CTNND2: variants seen among roughly 807,000 people sequenced by gnomAD.
The protein encoded by CTNND2 is catenin delta-2.
Under a neutral mutation model 144.4 loss-of-function variants are expected in CTNND2, and 22 were observed. That is an observed-to-expected ratio of 0.15 (90% CI 0.11 to 0.22). The LOEUF is 0.22. Among genes scored for constraint, CTNND2 ranks in the 10% least tolerant of loss-of-function variants. The pLI, the probability that CTNND2 is intolerant of heterozygous loss-of-function variation, is 1.00. For missense variants in CTNND2, 1,353 were observed against 1,618.8 expected, an observed-to-expected ratio of 0.84 and a Z score of 2.82; for synonymous variants, 751 against 695.6, an observed-to-expected ratio of 1.08 and a Z score of -1.25.
chr5:11,372,947 G>T (rs1757596907), intron 7 of CTNND2, among the ~76,000 whole-genome samples: 1 of 152,210 alleles, frequency 6.6e-6, no homozygotes, highest in Non-Finnish European at 1.5e-5. Flanking sequence ...AGGATTACAG[G>T]TGTGATCCAC....
At chr5:11,655,979 C>T (rs1449375980) in intron 2 of CTNND2, among the ~76,000 whole-genome samples, 1 of 151,176 alleles carries the variant, frequency 6.6e-6, no homozygotes, top group Non-Finnish European at 1.5e-5. Flanking sequence ...AAATGTTGCA[C>T]CTGCAGCAGA....
chr5:11,146,897 T>G (rs1757293898), intron 12 of CTNND2, among the ~76,000 whole-genome samples: 1 of 152,224 alleles, frequency 6.6e-6, no homozygotes, highest in Non-Finnish European at 1.5e-5. Context: ...ATGTGGAAAC[T>G]GGGAAGGATA....
At chr5:11,512,819 G>A (rs1024174894) in intron 3 of CTNND2, among the ~76,000 whole-genome samples, 1 of 152,166 alleles carries the variant, frequency 6.6e-6, no homozygotes, top group East Asian at 1.9e-4. Flanking sequence ...ATGAGTGTGT[G>A]ACTGCATGGT....
chr5:11,880,555 CTACTGCTACTAGT>C (rs1735976608), intron 1 of CTNND2, among the ~76,000 whole-genome samples: 1 of 92,374 alleles, frequency 1.1e-5, no homozygotes, highest in Non-Finnish European at 2.3e-5. Context: ...ACTACCACTA[CTACTGCTACTAGT>C]ACTACTACTA....
chr5:11,430,274 G>GA (rs1763168868), intron 3 of CTNND2, among the ~76,000 whole-genome samples: 1 of 131,066 alleles, frequency 7.6e-6, no homozygotes, highest in African/African-American at 3.1e-5. Context: ...AAAAAAAGGA[G>GA]TTTTTTTTTT....
intron 2 of CTNND2, among the ~76,000 whole-genome samples, chr5:11,611,147 C>A (rs183647566): frequency 6.6e-6 from 1 of 152,080 alleles, no homozygotes; most frequent in African/African-American, 2.4e-5. Flanking sequence ...TTATAAGGGG[C>A]TCTTCCCCCT....
intron 16 of CTNND2, among the ~76,000 whole-genome samples, chr5:11,062,216 G>C (rs2973479): frequency 0.76 from 115,120 of 152,206 alleles, 44,175 homozygotes; most frequent in East Asian, 0.92. Flanking sequence ...CTATGTATTA[G>C]CATATTTTGC....
chr5:11,740,857 C>T (rs980202544), intron 1 of CTNND2, among the ~76,000 whole-genome samples: 1 of 152,038 alleles, frequency 6.6e-6, no homozygotes, highest in African/African-American at 2.4e-5. Flanking sequence ...AAAAACAACC[C>T]ATCAAAAAGT....
chr5:11,111,005 C>T lies in CTNND2; in HGVS notation c.2316G>A (p.Ser772=), dbSNP rs148199852. The T allele has an allele frequency of 1.0e-3, 1,658 of 1,614,034 alleles. 10 individuals are homozygous for T. Among genetic ancestry groups the T allele is most frequent in the Non-Finnish European group, 1.3e-3 (1,482 of 1,179,980 alleles). The change falls in exon 14 of 22, where the codon TCG becomes TCA. Residue 772 remains serine (S), a synonymous_variant. Transcript: ENST00000304623. ...ENCVCILRNL[S]YRLAAETSQG... ...GAGACGTTTCTGCCGCCAGCCGGTACGAGAGGTTCCTTAAAATGCACACAC... is the reference window on the plus strand; with the variant it reads ...GAGACGTTTCTGCCGCCAGCCGGTATGAGAGGTTCCTTAAAATGCACACAC...
intron 2 of CTNND2, among the ~76,000 whole-genome samples, chr5:11,671,440 CAT>C (rs1783868715): frequency 1.3e-5 from 2 of 152,234 alleles, no homozygotes; most frequent in African/African-American, 4.8e-5. Context: ...GGTCTTTTCA[CAT>C]AGTCTCCTAT....
chr5:11,018,717 T>TC (rs1331793518), intron 17 of CTNND2, among the ~76,000 whole-genome samples: 2 of 150,300 alleles, frequency 1.3e-5, no homozygotes, highest in South Asian at 2.1e-4. Flanking sequence ...CTTTTTTTTT[T>TC]TTTTTTTTTT....
chr5:11,547,536 T>C (rs559801799), intron 3 of CTNND2, among the ~76,000 whole-genome samples: 2 of 152,158 alleles, frequency 1.3e-5, no homozygotes, highest in East Asian at 1.9e-4. Context: ...CAGATTAGTA[T>C]TCAAATATAT....
chr5:11,388,569 C>T (rs534920313), intron 6 of CTNND2, among the ~76,000 whole-genome samples: 1 of 152,284 alleles, frequency 6.6e-6, no homozygotes, highest in South Asian at 2.1e-4. Flanking sequence ...GTAATAAATG[C>T]CTAAGAACTA....
At chr5:11,699,107 A>T (rs1785287356) in intron 2 of CTNND2, among the ~76,000 whole-genome samples, 1 of 152,012 alleles carries the variant, frequency 6.6e-6, no homozygotes, top group African/African-American at 2.4e-5. Context: ...GAGTTACTTT[A>T]AAAAAAGTGT....
At chr5:11,327,802 T>A (rs1752684215) in intron 9 of CTNND2, among the ~76,000 whole-genome samples, 3 of 152,208 alleles carry the variant, frequency 2.0e-5, no homozygotes, top group African/African-American at 7.2e-5. Context: ...AAAATGCAGA[T>A]TCTGATGTAG....
chr5:11,601,036 T>C (rs1405474928), intron 2 of CTNND2, among the ~76,000 whole-genome samples: 11 of 152,136 alleles, frequency 7.2e-5, no homozygotes, highest in Admixed American at 7.2e-4. Flanking sequence ...TTTTTTTTTA[T>C]ACATGATACT....
Position 11,488,364 on chromosome 5 carries a change from A to T in CTNND2, c.288-76295T>A, listed in dbSNP as rs560737776. On this transcript the variant is annotated intron_variant, in intron 3 of 21. Transcript: ENST00000304623. The stretch of plus-strand genomic sequence containing the variant: ...CAACCATGTCATGTCATATCTCGCT[A>T]CTTCTCTTGCCCCACCATTTGAGAA... Among the ~76,000 whole-genome samples the T allele has an allele frequency of 3.7e-4, 57 of 152,252 alleles. No homozygotes were observed. In the South Asian group the frequency reaches 9.5e-3, roughly 25 times the overall value.
At chr5:11,829,620 G>C (rs991798187) in intron 1 of CTNND2, among the ~76,000 whole-genome samples, 3 of 152,226 alleles carry the variant, frequency 2.0e-5, no homozygotes, top group African/African-American at 7.2e-5. Flanking sequence ...TTCAGATGAT[G>C]TATAGAAATG....
chr5:11,331,997 C>T (rs976198552), intron 9 of CTNND2, among the ~76,000 whole-genome samples: 15 of 151,972 alleles, frequency 9.9e-5, no homozygotes, highest in Admixed American at 2.6e-4. Context: ...TAATGTAGGC[C>T]GGGCATGGTG....
Sources: gnomAD v4.1 joint callset for allele counts (sites outside exome capture counted in the v4.1 genomes callset) on GRCh38, gnomAD v4.1.1 for gene constraint, MANE v1.5 for transcripts, NCBI Gene and HGNC (gene_info 2026-07-23, HGNC 2026-07-21) for gene names.